ANK2: variants seen among roughly 807,000 people sequenced by gnomAD.
ANK2 encodes ankyrin-2.
Under a neutral mutation model 360.5 loss-of-function variants are expected in ANK2, and 83 were observed. That is an observed-to-expected ratio of 0.23 (90% CI 0.19 to 0.28). ANK2 has a LOEUF of 0.28. Ranked by LOEUF, ANK2 falls within the 10% of genes least tolerant of loss-of-function variation. ANK2 has a pLI of 1.00. For missense variants in ANK2, 4,201 were observed against 4,795.7 expected, an observed-to-expected ratio of 0.88 and a Z score of 3.66; for synonymous variants, 1,740 against 1,759.5, an observed-to-expected ratio of 0.99 and a Z score of 0.28.
chr4:112,827,629 T>A, intron 1 of ANK2: 1 of 822,526 alleles, frequency 1.2e-6, no homozygotes, highest in Non-Finnish European at 2.0e-6. Flanking sequence ...TCCATCCAGA[T>A]CCTTGCAATT....
chr4:113,169,514 A>G (rs1295125601), intron 1 of ANK2, among the ~76,000 whole-genome samples: 5 of 152,206 alleles, frequency 3.3e-5, no homozygotes, highest in East Asian at 1.9e-4. Flanking sequence ...AGATTCCTCA[A>G]ATTCCACAAG....
the ANK2 span, among the ~76,000 whole-genome samples, chr4:112,773,740 C>T: frequency 3.9e-5 from 6 of 152,180 alleles, no homozygotes; most frequent in African/African-American, 1.4e-4. Context: ...TCCATTCCAT[C>T]AGTATCCATC....
the ANK2 span, among the ~76,000 whole-genome samples, chr4:112,723,908 G>C: frequency 6.6e-6 from 1 of 152,046 alleles, no homozygotes; most frequent in African/African-American, 2.4e-5. Context: ...AAATTATACT[G>C]TGTTTACATT....
chr4:113,107,939 A>G lies in ANK2; in HGVS notation c.84+58127A>G, dbSNP rs149523970. Among the ~76,000 whole-genome samples, 27 of 152,330 alleles carry G rather than the reference A, an allele frequency of 1.8e-4. No individual in the cohort carries two copies. In the East Asian group the frequency reaches 4.2e-3, roughly 24 times the overall value. Reference sequence around the variant, plus strand: ...AGAAGCTTTATTTCATAGCAGTAGCAAAACCATTATTTGATCAGTTAATAA... The same window carrying G: ...AGAAGCTTTATTTCATAGCAGTAGCGAAACCATTATTTGATCAGTTAATAA... On this transcript the variant is annotated intron_variant, in intron 1 of 45. Coordinates refer to ENST00000357077, the MANE Select transcript of ANK2 (RefSeq NM_001148.6).
chr4:113,076,618 A>G (rs951031551), intron 1 of ANK2, among the ~76,000 whole-genome samples: 1 of 152,108 alleles, frequency 6.6e-6, no homozygotes, highest in South Asian at 2.1e-4. Flanking sequence ...AAGCATAACG[A>G]AACCCTGTCT....
the ANK2 span, among the ~76,000 whole-genome samples, chr4:112,732,954 C>T: frequency 6.6e-6 from 1 of 152,110 alleles, no homozygotes; most frequent in Non-Finnish European, 1.5e-5. Flanking sequence ...CACGGTGGCT[C>T]ACGCCTGTAA....
chr4:113,293,558 TAGCTTC>T lies in ANK2; in HGVS notation c.2475+24_2475+29del, dbSNP rs775968561. The T allele has an allele frequency of 1.3e-6, 2 of 1,591,420 alleles. No homozygotes were observed. Among genetic ancestry groups the T allele is most frequent in the Non-Finnish European group, 1.7e-6 (2 of 1,161,394 alleles). On this transcript the variant is annotated intron_variant, in intron 22 of 45. Coordinates refer to ENST00000357077, the MANE Select transcript of ANK2 (RefSeq NM_001148.6). ...ACCACAGTGAGTATGAGTGACTGAC[TAGCTTC>T]AGCCCTGTTATTCTTCGTTTTCAAA...
At chr4:112,808,669 A>G in the ANK2 span, among the ~76,000 whole-genome samples, 4 of 152,208 alleles carry the variant, frequency 2.6e-5, no homozygotes, top group Non-Finnish European at 5.9e-5. Flanking sequence ...CTAGAAAAAT[A>G]AATAGACAAT....
chr4:113,214,873 A>T (rs2099068649), intron 4 of ANK2, among the ~76,000 whole-genome samples: 1 of 152,150 alleles, frequency 6.6e-6, no homozygotes, highest in Non-Finnish European at 1.5e-5. Flanking sequence ...TTTCACTTAC[A>T]AAAAGTGGCC....
chr4:112,799,662 G>A, the ANK2 span, among the ~76,000 whole-genome samples: 14 of 151,824 alleles, frequency 9.2e-5, no homozygotes, highest in East Asian at 1.4e-3. Context: ...GATTACAGGC[G>A]CACACCACCA....
In ANK2 at chr4:113,232,234, G is replaced by T; in HGVS notation, c.458G>T (p.Gly153Val). 6.3e-7 allele frequency: 1 copy of T among 1,597,706 alleles called. No individual in the cohort carries two copies. The highest frequency in any genetic ancestry group is 1.1e-5 in the South Asian group (1 of 90,726). The change falls in exon 5 of 46, where the codon GGA (glycine) becomes GTA (valine). Residue 153 changes from glycine to valine, a missense_variant. Transcript: ENST00000357077. ...GTTGTAAAATATTTGCTGGAAAATG[G>T]AGCTAATCAGAGCACTGCTACAGAG... ...IDVVKYLLEN[G>V]ANQSTATEDG... is the part of the protein sequence containing the mutation.
At chr4:112,719,726 C>CAAA in the ANK2 span, among the ~76,000 whole-genome samples, 27 of 101,590 alleles carry the variant, frequency 2.7e-4, no homozygotes, top group African/African-American at 4.6e-4. Context: ...GACTCCGACT[C>CAAA]AAAAAAAAAA....
At chr4:112,904,202 T>G (rs554557120) in intron 1 of ANK2, among the ~76,000 whole-genome samples, 1 of 152,326 alleles carries the variant, frequency 6.6e-6, no homozygotes, top group African/African-American at 2.4e-5. Flanking sequence ...TTTTTAAAAA[T>G]CTATTTCTCT....
At chr4:112,743,345 A>T in the ANK2 span, among the ~76,000 whole-genome samples, 7 of 152,156 alleles carry the variant, frequency 4.6e-5, no homozygotes, top group Admixed American at 3.9e-4. Context: ...CATTAAAAGA[A>T]TGTTAAAATT....
intron 1 of ANK2, among the ~76,000 whole-genome samples, chr4:112,843,106 A>C (rs1267038614): frequency 1.3e-5 from 2 of 152,238 alleles, no homozygotes; most frequent in Non-Finnish European, 2.9e-5. Context: ...TGGACAATCC[A>C]GGATAACCTC....
rs1214575789 is a variant in ANK2, at chr4:113,358,698, G to C, written c.10080G>C (p.Gln3360His). 1.2e-6 allele frequency: 2 copies of C among 1,613,948 alleles called. No homozygotes were observed. Among genetic ancestry groups the C allele is most frequent in the Non-Finnish European group, 1.7e-6 (2 of 1,179,970 alleles). The change falls in exon 38 of 46, where the codon CAG becomes CAC. Residue 3360 changes from glutamine to histidine, a missense_variant. Transcript: ENST00000357077. ...TACCCCTCCAAAGAGTTGAACAGCA[G>C]CTCTCAGATCTAGACACCTCTGTCC... ...VKVPLQRVEQ[Q>H]LSDLDTSVQK...
chr4:113,355,859 C>A lies in ANK2; in HGVS notation c.7241C>A (p.Pro2414His). The A allele has an allele frequency of 6.2e-7, 1 of 1,614,104 alleles. No homozygotes were observed. The highest frequency in any genetic ancestry group is 8.5e-7 in the Non-Finnish European group (1 of 1,179,968). ...RSPQGLELAL[P>H]SRDSEVLSAV... is the part of the protein sequence containing the mutation. ...CCCCAAGGGTTAGAACTTGCACTCC[C>A]TAGCCGAGATAGCGAAGTCCTCAGC... The change falls in exon 38 of 46, where the codon CCT (proline) becomes CAT (histidine). Residue 2414 changes from proline to histidine, a missense_variant. Pro to His is a moderately conservative substitution (Grantham distance 77). Transcript: ENST00000357077.
At chr4:112,919,067 C>A (rs2090754009) in intron 2 of ANK2, among the ~76,000 whole-genome samples, 2 of 152,064 alleles carry the variant, frequency 1.3e-5, no homozygotes, top group African/African-American at 4.8e-5. Context: ...CCCTTTTAGG[C>A]CTGAGTAAAG....
chr4:113,285,607 C>T (rs538014322), intron 18 of ANK2, among the ~76,000 whole-genome samples: 2 of 152,074 alleles, frequency 1.3e-5, no homozygotes, highest in Non-Finnish European at 2.9e-5. Flanking sequence ...CCATGCCCTT[C>T]CTGGGTGCAC....
Sources: allele counts gnomAD v4.1 joint callset (sites outside exome capture counted in the v4.1 genomes callset), GRCh38; gene constraint gnomAD v4.1.1; transcripts MANE v1.5; gene names NCBI Gene and HGNC (gene_info 2026-07-23, HGNC 2026-07-21).